Variants in BRME1 observed in about 807,000 individuals in gnomAD.
BRME1 encodes BRCA2 and MEILB2-associating protein 1.
Under a neutral mutation model 52.6 loss-of-function variants are expected in BRME1, and 31 were observed. The observed-to-expected ratio is 0.59, with a 90% CI of 0.44 to 0.80. The LOEUF (loss-of-function observed/expected upper bound fraction) is 0.80, where lower values mean the gene tolerates loss of function less well. Among genes scored for constraint, BRME1 ranks in the 30% least tolerant of loss-of-function variants. The probability of loss-of-function intolerance (pLI) is 0.00; values close to 1 mark genes in which losing one functional copy is unlikely to be tolerated. For synonymous variants in BRME1, 359 were observed against 353.6 expected (o/e 1.02, Z -0.17); for missense variants, 804 against 860.3 (o/e 0.93, Z 0.82).
intron 7 of BRME1, chr19:13,885,294 CAG>C (rs983059360): frequency 1.3e-5 from 2 of 152,410 alleles, no homozygotes; most frequent in Non-Finnish European, 2.9e-5. Flanking sequence ...GCCGCCTCTG[CAG>C]AGAGGCAGGT....
rs61412091 is a variant in BRME1 at position 13,886,796 on chromosome 19, C to CAAAA, written c.1669-745_1669-742dup. On this transcript the variant is annotated intron_variant, in intron 6 of 8. Transcript: ENST00000586783. ...GCAACACGGCGAGACCCTGTCTGTA[C>CAAAA]AAAAAAAAAAAAAAAAAATTAGCTG... Among the ~76,000 whole-genome samples, 290 of 85,152 alleles carry CAAAA rather than the reference C, an allele frequency of 3.4e-3. 1 individual carries two copies. Among genetic ancestry groups the CAAAA allele is most frequent in the African/African-American group, 9.4e-3 (250 of 26,466 alleles). The allele number at this position is 85,152 out of a possible 152,430, so 55.9% of individuals were successfully genotyped here.
intron 2 of BRME1, among the ~76,000 whole-genome samples, chr19:13,897,040 C>CTTT (rs35686337): frequency 7.5e-5 from 10 of 133,336 alleles, no homozygotes; most frequent in Non-Finnish European, 9.5e-5. Flanking sequence ...TACATCGAAA[C>CTTT]TTTTTTTTTT....
chr19:13,894,397 C>T (rs1003859746), intron 3 of BRME1, among the ~76,000 whole-genome samples: 1 of 152,026 alleles, frequency 6.6e-6, no homozygotes, highest in Non-Finnish European at 1.5e-5. Flanking sequence ...TGGTGGCGGG[C>T]GCCTTTCATC....
At position 13,901,033 on chromosome 19, in the gene BRME1, C is replaced by T. The variant is rs146544694; in HGVS notation, c.31+3829G>A. The stretch of plus-strand genomic sequence containing the variant: ...TCTGTGGCCCAGGCTGGAGTGCAGG[C>T]GCAATCATAGCTCACTGCAGCCTGG... On this transcript the variant is annotated intron_variant, in intron 2 of 8. Transcript: ENST00000586783. Among the ~76,000 whole-genome samples the T allele has an allele frequency of 4.1e-3, 617 of 152,106 alleles. 3 individuals carry two copies. Among genetic ancestry groups the T allele is most frequent in the African/African-American group, 0.014 (590 of 41,500 alleles).
rs1446556752 is a variant in BRME1, at chr19:13,882,870, G to T, written c.1939C>A (p.Pro647Thr). Reference sequence around the variant, plus strand: ...GGCCCCTTGGAAGGGTAAGGCAGGGGGGCTTTGCCTCCCAGCTTTGTCTTC... The same window carrying T: ...GGCCCCTTGGAAGGGTAAGGCAGGGTGGCTTTGCCTCCCAGCTTTGTCTTC... ...YRKTKLGGKAPLPYPSKGPGN... is the reference protein window; with the variant it reads ...YRKTKLGGKATLPYPSKGPGN... Residue 647 changes from proline (P) to threonine (T), a missense_variant, in exon 9 of 9, where the codon CCC (proline) becomes ACC (threonine). Physicochemically the swap from Pro to Thr is conservative, Grantham distance 38. This residue lies in a region of BRME1 where 552 missense variants were observed against 561.1 expected (regional missense o/e 0.98). Coordinates refer to ENST00000586783, the MANE Select transcript of BRME1 (RefSeq NM_001345843.2). 1.9e-6 allele frequency: 3 copies of T among 1,613,868 alleles called. No homozygotes were observed. Among genetic ancestry groups the T allele is most frequent in the Non-Finnish European group, 1.7e-6 (2 of 1,179,950 alleles).
intron 2 of BRME1, among the ~76,000 whole-genome samples, chr19:13,898,996 A>G (rs1300664731): frequency 2.6e-5 from 4 of 151,406 alleles, no homozygotes; most frequent in Non-Finnish European, 4.4e-5. Context: ...TCAGCTCTAC[A>G]TTACACACTT....
Position 13,890,071 on chromosome 19 carries a change from C to T in BRME1, c.785G>A (p.Gly262Glu), listed in dbSNP as rs755406846. 55 of 1,613,650 alleles carry T rather than the reference C, an allele frequency of 3.4e-5. No individual in the cohort carries two copies. The highest frequency in any genetic ancestry group is 4.6e-5 in the Non-Finnish European group (54 of 1,179,872). The change falls in exon 6 of 9, where the codon GGG becomes GAG. Residue 262 changes from glycine (G) to glutamate (E), a missense_variant. By Grantham distance (98) the Gly-to-Glu change is moderately conservative. Transcript: ENST00000586783. ...PQEGGAQRTA[G>E]AGLPGGPQEE... is the part of the protein sequence containing the mutation. ...CTGGGGCCCTCCAGGCAGGCCAGCCCCTGCTGTCCTTTGGGCCCCTCCCTC... is the reference window on the plus strand; with the variant it reads ...CTGGGGCCCTCCAGGCAGGCCAGCCTCTGCTGTCCTTTGGGCCCCTCCCTC...
chr19:13,887,597 A>G (rs1345102524), intron 6 of BRME1, among the ~76,000 whole-genome samples: 1 of 151,972 alleles, frequency 6.6e-6, no homozygotes, highest in Non-Finnish European at 1.5e-5. Context: ...CCAAGCCACC[A>G]CTCACGAGAC....
rs2145143376 is a variant in BRME1 at position 13,889,309 on chromosome 19, A to G, written c.1547T>C (p.Leu516Pro). 6.2e-7 allele frequency: 1 copy of G among 1,614,140 alleles called. No individual in the cohort carries two copies. Among genetic ancestry groups the G allele is most frequent in the Non-Finnish European group, 8.5e-7 (1 of 1,180,024 alleles). Reference sequence around the variant, plus strand: ...GGTGCCCTGGTCTGCAGAATGAGGCAGGTGGTCTCGCTGCCCTGCCAGCTC... The same window carrying G: ...GGTGCCCTGGTCTGCAGAATGAGGCGGGTGGTCTCGCTGCCCTGCCAGCTC... ...TSELAGQRDH[L>P]PHSADQGTWA... is the part of the protein sequence containing the mutation. Residue 516 changes from leucine (L) to proline (P), a missense_variant, in exon 6 of 9, where the codon CTG becomes CCG. Physicochemically the swap from Leu to Pro is moderately conservative, Grantham distance 98 (BLOSUM62 -3). Around this residue, in one of 3 missense-constraint regions of BRME1, gnomAD observed 552 missense variants for 561.1 expected, o/e 0.98. Transcript: ENST00000586783.
rs762135847 is a variant in BRME1, at chr19:13,893,192, G to A, written c.238C>T (p.Arg80Trp). The A allele has an allele frequency of 2.8e-5, 45 of 1,589,798 alleles. No homozygotes were observed. The highest frequency in any genetic ancestry group is 3.5e-4 in the Middle Eastern group (2 of 5,698). ...SPDEETGSPC[R>W]LLRQPEKEPA... Reference sequence around the variant, plus strand: ...TCCTTTTCTGGTTGACGGAGGAGCCGGCAGGGAGATCCTGTTTCCTCATCA... The same window carrying A: ...TCCTTTTCTGGTTGACGGAGGAGCCAGCAGGGAGATCCTGTTTCCTCATCA... Residue 80 changes from arginine (R) to tryptophan (W), a missense_variant, in exon 4 of 9, where the codon CGG (arginine) becomes TGG (tryptophan). Arg to Trp is a moderately radical substitution (Grantham distance 101). This residue lies in a region of BRME1 where 234 missense variants were observed against 258.1 expected (regional missense o/e 0.91). Transcript: ENST00000586783.
In BRME1 at chr19:13,889,423, T is replaced by G; in HGVS notation, c.1433A>C (p.Gln478Pro). Residue 478 changes from glutamine to proline, a missense_variant, in exon 6 of 9, where the codon CAA becomes CCA. Gln to Pro is a moderately conservative substitution (Grantham distance 76). Coordinates refer to ENST00000586783, the MANE Select transcript of BRME1 (RefSeq NM_001345843.2). ...RDLEGFRVSP[Q>P]ASVVLEHREI... is the part of the protein sequence containing the mutation. ...TCTGTGTTCCAGCACAACAGAGGCTTGCGGGGACACACGGAACCCCTCGAG... is the reference window on the plus strand; with the variant it reads ...TCTGTGTTCCAGCACAACAGAGGCTGGCGGGGACACACGGAACCCCTCGAG... 1 of 1,613,986 alleles carries G rather than the reference T, an allele frequency of 6.2e-7. No individual in the cohort carries two copies. The highest frequency in any genetic ancestry group is 8.5e-7 in the Non-Finnish European group (1 of 1,179,990).
chr19:13,887,377 G>A (rs1374784019), intron 6 of BRME1, among the ~76,000 whole-genome samples: 1 of 152,224 alleles, frequency 6.6e-6, no homozygotes, highest in East Asian at 1.9e-4. Context: ...TCAGGGCGGT[G>A]CCTCCTCCCC....
rs528630169 is a variant in BRME1, at chr19:13,883,151, G to A, written c.1856+157C>T. On this transcript the variant is annotated intron_variant, in intron 8 of 8. Transcript: ENST00000586783. This position sits in a 1 kb window ranked among gnomAD's most constrained non-coding sequence, Gnocchi z 4.2. ...TCTTCAGAGCCTGTGTTCTGCAAAG[G>A]ACGGGGGAGGGGGGCCACGGTGAGG... Among the ~76,000 whole-genome samples the A allele has an allele frequency of 1.4e-3, 215 of 152,190 alleles. No individual in the cohort carries two copies. The highest frequency in any genetic ancestry group is 5.1e-3 in the African/African-American group (211 of 41,520).
In BRME1 at chr19:13,895,559, C is replaced by T; in HGVS notation, c.32-13G>A. On this transcript the variant is annotated splice_polypyrimidine_tract_variant and intron_variant, in intron 2 of 8. Transcript: ENST00000586783. Reference sequence around the variant, plus strand: ...CAGAGTCCCTCTCCTGTTTTAGAGACAGAGGAAGATGAAGGGGTGGGGGAT... The same window carrying T: ...CAGAGTCCCTCTCCTGTTTTAGAGATAGAGGAAGATGAAGGGGTGGGGGAT... 2 of 1,606,656 alleles carry T rather than the reference C, an allele frequency of 1.2e-6. No homozygotes were observed. The highest frequency in any genetic ancestry group is 1.7e-6 in the Non-Finnish European group (2 of 1,175,974).
In BRME1 at chr19:13,892,807, A is replaced by T; in HGVS notation, c.372T>A (p.Arg124=). The part of the protein sequence containing the change: ...TRKEEMKDED[R]GSGAFSLETI... ...TTACCAGGCTAAAGGCCCCACTCCC[A>T]CGGTCCTCATCCTTCATCTCTTCTT... Residue 124 remains arginine (R), a synonymous_variant, in exon 5 of 9, where the codon CGT becomes CGA. Transcript: ENST00000586783. 3.7e-6 allele frequency: 6 copies of T among 1,614,122 alleles called. No individual in the cohort carries two copies. The highest frequency in any genetic ancestry group is 5.1e-6 in the Non-Finnish European group (6 of 1,179,950).
intron 2 of BRME1, among the ~76,000 whole-genome samples, chr19:13,896,048 T>A (rs1236976853): frequency 6.6e-6 from 1 of 152,180 alleles, no homozygotes; most frequent in Non-Finnish European, 1.5e-5. Context: ...GGCGGGTGGA[T>A]CACCTAAGGT....
chr19:13,885,351 CGAG>C (rs1968925100), intron 7 of BRME1: 1 of 152,540 alleles, frequency 6.6e-6, no homozygotes, highest in Non-Finnish European at 1.5e-5. Context: ...GCGCTGGCTT[CGAG>C]GAGGGCTGTG....
At chr19:13,889,137 G>T in intron 6 of BRME1, 51 bp downstream of exon 6, 1 of 1,487,140 alleles carries the variant, frequency 6.7e-7, no homozygotes, top group Non-Finnish European at 9.0e-7. Flanking sequence ...GCTTGTGGAG[G>T]TTGGGTGCCT....
In BRME1 at chr19:13,889,963, C is replaced by A. The variant is rs767577795; in HGVS notation, c.893G>T (p.Cys298Phe). The stretch of plus-strand genomic sequence containing the variant: ...CTGGGCCACAGACCCGGGTTCCAGG[C>A]ACCAAGAGGCAGGGCCCAGTCCTGG... ...PAPGLGPASW[C>F]LEPGSVAQGS... Residue 298 changes from cysteine to phenylalanine, a missense_variant, in exon 6 of 9, where the codon TGC becomes TTC. Cys to Phe is a radical substitution (Grantham distance 205, BLOSUM62 -2). This residue lies in a region of BRME1 where 552 missense variants were observed against 561.1 expected (regional missense o/e 0.98). Transcript: ENST00000586783. 6.2e-7 allele frequency: 1 copy of A among 1,612,686 alleles called. No homozygotes were observed. Among genetic ancestry groups the A allele is most frequent in the Admixed American group, 1.7e-5 (1 of 60,024 alleles).
Sources: gnomAD v4.1 joint callset for allele counts (sites outside exome capture counted in the v4.1 genomes callset) on GRCh38, gnomAD v4.1.1 for gene constraint, gnomAD v4.1.1 regional missense constraint, Gnocchi (gnomAD v3.1) non-coding constraint, MANE v1.5 for transcripts, NCBI Gene and HGNC (gene_info 2026-07-23, HGNC 2026-07-21) for gene names.